HPSE2: variants seen among roughly 807,000 people sequenced by gnomAD.
HPSE2 encodes the protein inactive heparanase-2.
HPSE2 carries 38 observed loss-of-function variants against 60.5 expected under a neutral mutation model. That is an observed-to-expected ratio of 0.63 (90% CI 0.48 to 0.82). The LOEUF is 0.82. HPSE2 is among the 40% of genes least tolerant of loss of function. The pLI, the probability that HPSE2 is intolerant of heterozygous loss-of-function variation, is 0.00. For missense variants in HPSE2, 713 were observed against 740.4 expected, an observed-to-expected ratio of 0.96 and a Z score of 0.43; for synonymous variants, 295 against 293.2, an observed-to-expected ratio of 1.01 and a Z score of -0.06.
intron 5 of HPSE2, among the ~76,000 whole-genome samples, chr10:98,698,535 G>C (rs1278343679): frequency 6.6e-6 from 1 of 152,092 alleles, no homozygotes; most frequent in Non-Finnish European, 1.5e-5. Context: ...ACAAGAGAAA[G>C]CGGGAAAGAT....
intron 9 of HPSE2, among the ~76,000 whole-genome samples, chr10:98,600,903 G>GTGTGTGTGTATATA (rs1945394293): frequency 2.8e-5 from 1 of 35,778 alleles, no homozygotes; most frequent in African/African-American, 7.8e-5. Flanking sequence ...GTATATATAT[G>GTGTGTGTGTATATA]TGTGTGTGTA....
intron 3 of HPSE2, among the ~76,000 whole-genome samples, chr10:99,137,007 A>C (rs1479959614): frequency 6.6e-6 from 1 of 152,214 alleles, no homozygotes; most frequent in Non-Finnish European, 1.5e-5. Flanking sequence ...TTCTCAGCCC[A>C]AAATCTCCTT....
At chr10:98,957,384 G>T (rs1453769027) in intron 3 of HPSE2, among the ~76,000 whole-genome samples, 2 of 152,024 alleles carry the variant, frequency 1.3e-5, no homozygotes, top group Non-Finnish European at 2.9e-5. Context: ...GGCCTTCAGG[G>T]GTAGCTTTGC....
At chr10:98,692,743 T>C (rs1192407794) in intron 6 of HPSE2, among the ~76,000 whole-genome samples, 3 of 151,406 alleles carry the variant, frequency 2.0e-5, no homozygotes, top group Non-Finnish European at 4.4e-5. Flanking sequence ...CACTCCAGCC[T>C]GGGCGACAGA....
intron 3 of HPSE2, among the ~76,000 whole-genome samples, chr10:98,989,497 G>A (rs1589474997): frequency 6.8e-6 from 1 of 147,172 alleles, no homozygotes; most frequent in Non-Finnish European, 1.5e-5. Context: ...GGACTGTTGT[G>A]GGGTGGGGGG....
At chr10:98,569,953 TA>T (rs1261630670) in intron 9 of HPSE2, among the ~76,000 whole-genome samples, 3 of 152,234 alleles carry the variant, frequency 2.0e-5, no homozygotes, top group Non-Finnish European at 2.9e-5. Flanking sequence ...TTTAGTCTCC[TA>T]ATTAAGAACT....
chr10:98,461,715 A>G (rs1249409395), intron 11 of HPSE2: 14 of 1,400,034 alleles, frequency 1.0e-5, no homozygotes, highest in African/African-American at 1.4e-5. Flanking sequence ...GAAAACCTTC[A>G]ATGGTTTCTC....
chr10:98,485,405 G>A (rs936990247), intron 10 of HPSE2, among the ~76,000 whole-genome samples: 1 of 152,060 alleles, frequency 6.6e-6, no homozygotes, highest in Non-Finnish European at 1.5e-5. Flanking sequence ...GCCTGCATTT[G>A]TGTTCTGATA....
chr10:98,924,342 C>A (rs541097327), intron 3 of HPSE2, among the ~76,000 whole-genome samples: 16 of 152,364 alleles, frequency 1.1e-4, no homozygotes, highest in African/African-American at 3.4e-4. Flanking sequence ...AGCAATGGGC[C>A]TTGCCCAAGG....
intron 3 of HPSE2, among the ~76,000 whole-genome samples, chr10:98,920,265 C>G (rs1759946720): frequency 6.6e-6 from 1 of 152,176 alleles, no homozygotes; most frequent in Non-Finnish European, 1.5e-5. Context: ...GCATTACGGA[C>G]TGGGGCTCTT....
chr10:98,779,079 T>G (rs1274927317), intron 3 of HPSE2, among the ~76,000 whole-genome samples: 1 of 152,166 alleles, frequency 6.6e-6, no homozygotes, highest in Non-Finnish European at 1.5e-5. Flanking sequence ...AATTTTAAAC[T>G]GCAGTATGAA....
At chr10:99,277,580 A>G in the HPSE2 span, among the ~76,000 whole-genome samples, 130,252 of 152,202 alleles carry the variant, frequency 0.86, 56,105 homozygotes, top group African/African-American at 0.92. Flanking sequence ...AGGGAACTTA[A>G]GATCCCCTCC....
At chr10:99,151,772 C>T (rs1297734542) in intron 2 of HPSE2, among the ~76,000 whole-genome samples, 1 of 151,998 alleles carries the variant, frequency 6.6e-6, no homozygotes. Context: ...AATATTTAGC[C>T]AAACATGATG....
At chr10:98,685,769 A>C (rs1589636094) in intron 6 of HPSE2, among the ~76,000 whole-genome samples, 1 of 152,192 alleles carries the variant, frequency 6.6e-6, no homozygotes, top group East Asian at 1.9e-4. Flanking sequence ...AAATAACTAG[A>C]AGTGGAACTG....
the HPSE2 span, among the ~76,000 whole-genome samples, chr10:99,278,700 C>T: frequency 1.3e-5 from 2 of 152,158 alleles, no homozygotes; most frequent in Non-Finnish European, 2.9e-5. Context: ...GGATTTAAAT[C>T]CCAGTTCCAC....
chr10:98,854,050 T>A (rs1314279921), intron 3 of HPSE2, among the ~76,000 whole-genome samples: 4 of 152,106 alleles, frequency 2.6e-5, no homozygotes, highest in African/African-American at 9.7e-5. Context: ...TCTAGAATAA[T>A]ACAACAAAAA....
At chr10:98,577,157 G>A (rs958280682) in intron 9 of HPSE2, among the ~76,000 whole-genome samples, 7 of 151,836 alleles carry the variant, frequency 4.6e-5, no homozygotes, top group South Asian at 4.2e-4. Flanking sequence ...ACCGAGAATG[G>A]AAACCATCCA....
At chr10:98,637,630 C>CA (rs1273547843) in intron 7 of HPSE2, among the ~76,000 whole-genome samples, 1 of 152,134 alleles carries the variant, frequency 6.6e-6, no homozygotes, top group Non-Finnish European at 1.5e-5. Flanking sequence ...GCCAGGCCAT[C>CA]AGACTTCAAA....
At chr10:98,559,323 C>T (rs966558768) in intron 9 of HPSE2, among the ~76,000 whole-genome samples, 3 of 152,084 alleles carry the variant, frequency 2.0e-5, no homozygotes, top group Non-Finnish European at 2.9e-5. Context: ...CCGCTGCACC[C>T]GGTCTTGTCT....
Sources: gnomAD v4.1 joint callset for allele counts (sites outside exome capture counted in the v4.1 genomes callset) on GRCh38, gnomAD v4.1.1 for gene constraint, MANE v1.5 for transcripts, NCBI Gene and HGNC (gene_info 2026-07-23, HGNC 2026-07-21) for gene names.